MRTFB: variants seen among roughly 807,000 people sequenced by gnomAD.
MRTFB encodes myocardin related transcription factor B.
MRTFB carries 29 observed loss-of-function variants against 104.2 expected under a neutral mutation model. That is an observed-to-expected ratio of 0.28 (90% CI 0.21 to 0.38). The LOEUF is 0.38. MRTFB is among the 10% of genes least tolerant of loss of function. The pLI is 1.00. For missense variants in MRTFB, 1,270 were observed against 1,341.6 expected, an observed-to-expected ratio of 0.95 and a Z score of 0.83; for synonymous variants, 535 against 519.5, an observed-to-expected ratio of 1.03 and a Z score of -0.41.
intron 2 of MRTFB, among the ~76,000 whole-genome samples, chr16:14,127,676 C>A (rs8056520): frequency 0.23 from 34,656 of 149,876 alleles, 7,597 homozygotes; most frequent in African/African-American, 0.57. Flanking sequence ...ACGAAAATCC[C>A]CTCTAGCCTT....
intron 3 of MRTFB, chr16:14,149,165 T>A (rs1339037449): frequency 6.6e-6 from 1 of 152,218 alleles, no homozygotes; most frequent in Non-Finnish European, 1.5e-5. Context: ...TATAATAGCA[T>A]CAAACTGTCA....
At chr16:14,208,817 A>T (rs1871333391) in intron 3 of MRTFB, among the ~76,000 whole-genome samples, 1 of 152,198 alleles carries the variant, frequency 6.6e-6, no homozygotes, top group Admixed American at 6.5e-5. Flanking sequence ...CGCACAATTG[A>T]TTGAAAGTAT....
At chr16:14,039,449 C>G in the MRTFB span, among the ~76,000 whole-genome samples, 5 of 152,118 alleles carry the variant, frequency 3.3e-5, no homozygotes, top group Non-Finnish European at 7.4e-5. Context: ...GAGGGAACAA[C>G]ACAAGGATAT....
the MRTFB span, among the ~76,000 whole-genome samples, chr16:14,058,146 G>T: frequency 6.6e-6 from 1 of 152,200 alleles, no homozygotes; most frequent in Non-Finnish European, 1.5e-5. Context: ...GAGCCAACTG[G>T]GCAGCTTCCC....
chr16:14,009,220 A>T, the MRTFB span: 1 of 152,116 alleles, frequency 6.6e-6, no homozygotes, highest in Non-Finnish European at 1.5e-5. Flanking sequence ...TAGTGCTGGG[A>T]TTAACTGGCA....
rs759784287 is a variant in MRTFB at position 14,210,352 on chromosome 16, T to C, written c.220+44T>C. On this transcript the variant is annotated intron_variant, in intron 4 of 16. Transcript: ENST00000571589. Reference sequence around the variant, plus strand: ...CTGCCATCCCTAACGTGACAGAACATGACGGGCGTGTCCAAGAAGAGCCTG... The same window carrying C: ...CTGCCATCCCTAACGTGACAGAACACGACGGGCGTGTCCAAGAAGAGCCTG... 23 of 1,485,892 alleles carry C rather than the reference T, an allele frequency of 1.5e-5. No individual in the cohort carries two copies. The South Asian group carries it at 1.6e-4, about 11-fold the overall frequency. The allele number at this position is 1,485,892 out of a possible 1,614,324, so 92.0% of individuals were successfully genotyped here. A position where few individuals can be genotyped will look rare whatever the true frequency, so the allele number is the denominator to read the frequency against.
chr16:14,003,663 TCCCTC>T, the MRTFB span, among the ~76,000 whole-genome samples: 198 of 127,230 alleles, frequency 1.6e-3, no homozygotes, highest in African/African-American at 6.7e-3. Flanking sequence ...CCTCCCTCCC[TCCCTC>T]CCTTCCTTCC....
chr16:14,045,512 T>C, the MRTFB span, among the ~76,000 whole-genome samples: 1 of 152,226 alleles, frequency 6.6e-6, no homozygotes, highest in South Asian at 2.1e-4. Context: ...TCGAAAACCT[T>C]ACCTGTTACA....
intron 9 of MRTFB, among the ~76,000 whole-genome samples, chr16:14,237,870 GAT>G (rs2042589113): frequency 6.6e-6 from 1 of 152,230 alleles, no homozygotes; most frequent in African/African-American, 2.4e-5. Flanking sequence ...GAGAAGAAAA[GAT>G]AGACAGTATT....
chr16:14,129,909 A>G (rs559321771), intron 2 of MRTFB, among the ~76,000 whole-genome samples: 16 of 151,904 alleles, frequency 1.1e-4, no homozygotes, highest in African/African-American at 3.4e-4. Context: ...CCTCACTGCA[A>G]CCTCTGCCTC....
chr16:14,213,627 G>T lies in MRTFB; in HGVS notation c.352+7G>T. 6.4e-7 allele frequency: 1 copy of T among 1,562,794 alleles called. No homozygotes were observed. Among genetic ancestry groups the T allele is most frequent in the East Asian group, 2.3e-5 (1 of 43,628 alleles). On this transcript the variant is annotated splice_region_variant and intron_variant, in intron 6 of 16. Coordinates refer to ENST00000571589, the MANE Select transcript of MRTFB (RefSeq NM_001308142.2). ...AGGATGCACATTTTAGAAGGTAAAG[G>T]ATTTATTTCTTCTTAATCTGCTGTA...
chr16:14,102,151 CTT>C (rs996940116), intron 2 of MRTFB, among the ~76,000 whole-genome samples: 22 of 147,474 alleles, frequency 1.5e-4, no homozygotes, highest in African/African-American at 5.1e-4. Flanking sequence ...CAACCTGAGT[CTT>C]TTTAAAAAAA....
intron 2 of MRTFB, among the ~76,000 whole-genome samples, chr16:14,083,754 T>C (rs1166163505): frequency 6.6e-6 from 1 of 152,200 alleles, no homozygotes; most frequent in African/African-American, 2.4e-5. Flanking sequence ...TTTTCTTAGC[T>C]CTTGTGAAGG....
the MRTFB span, among the ~76,000 whole-genome samples, chr16:14,031,799 C>A: frequency 4.5e-4 from 68 of 151,960 alleles, 1 homozygote; most frequent in East Asian, 3.5e-3. Flanking sequence ...AGTCTGTGTT[C>A]GTGAGGTGAC....
chr16:14,029,126 T>G, the MRTFB span, among the ~76,000 whole-genome samples: 1 of 151,604 alleles, frequency 6.6e-6, no homozygotes, highest in South Asian at 2.1e-4. Flanking sequence ...AAGACCCTCG[T>G]TTCTACAAAA....
intron 3 of MRTFB, among the ~76,000 whole-genome samples, chr16:14,206,487 A>G (rs2040946775): frequency 6.6e-6 from 1 of 152,258 alleles, no homozygotes; most frequent in Non-Finnish European, 1.5e-5. Flanking sequence ...TATAAGTAGT[A>G]GTTGCTCTCA....
intron 2 of MRTFB, among the ~76,000 whole-genome samples, chr16:14,099,670 C>CTTTTT (rs200952464): frequency 7.3e-6 from 1 of 136,342 alleles, no homozygotes. Flanking sequence ...CTTTTCTTTT[C>CTTTTT]TTTTTTTTTT....
At chr16:14,165,379 C>G (rs1407943854) in intron 3 of MRTFB, among the ~76,000 whole-genome samples, 1 of 152,064 alleles carries the variant, frequency 6.6e-6, no homozygotes, top group Non-Finnish European at 1.5e-5. Flanking sequence ...AGTGATCTTT[C>G]TGATGTATGT....
intron 3 of MRTFB, among the ~76,000 whole-genome samples, chr16:14,184,337 C>G (rs1435934152): frequency 6.6e-6 from 1 of 151,884 alleles, no homozygotes; most frequent in Non-Finnish European, 1.5e-5. Context: ...ATTGTCTTGC[C>G]TCAGCCTCCC....
Sources: allele counts gnomAD v4.1 joint callset (sites outside exome capture counted in the v4.1 genomes callset), GRCh38; gene constraint gnomAD v4.1.1; transcripts MANE v1.5; gene names NCBI Gene and HGNC (gene_info 2026-07-23, HGNC 2026-07-21).